Variants in PCDH11X observed in about 807,000 individuals in gnomAD.
The protein encoded by PCDH11X is protocadherin-11 X-linked.
PCDH11X carries 18 observed loss-of-function variants against 53.3 expected under a neutral mutation model. That is an observed-to-expected ratio of 0.34 (90% CI 0.23 to 0.50). The LOEUF is 0.50. Among genes scored for constraint, PCDH11X ranks in the 20% least tolerant of loss-of-function variants. The pLI is 0.98. For missense variants in PCDH11X, 570 were observed against 1,032.4 expected (o/e 0.55, Z 6.14); for synonymous variants, 279 against 393.3 (o/e 0.71, Z 3.44).
At chrX:92,299,600 T>C (rs1392650972) in intron 8 of PCDH11X, among the ~76,000 whole-genome samples, 1 of 111,880 alleles carries the variant, frequency 8.9e-6, no homozygotes, top group Non-Finnish European at 1.9e-5. Flanking sequence ...TGTGCATACA[T>C]ACACATGTTC....
At chrX:91,916,890 G>T (rs1320382698) in intron 6 of PCDH11X, among the ~76,000 whole-genome samples, 1 of 110,377 alleles carries the variant, frequency 9.1e-6, no homozygotes, top group Non-Finnish European at 1.9e-5. Flanking sequence ...TATCCCTGAT[G>T]AACATAGATG....
chrX:92,274,433 C>T (rs988498798), intron 8 of PCDH11X, among the ~76,000 whole-genome samples: 9 of 110,987 alleles, frequency 8.1e-5, no homozygotes, highest in African/African-American at 1.3e-4. Flanking sequence ...GAAGGCTAAA[C>T]GGAGGAATTA....
intron 6 of PCDH11X, among the ~76,000 whole-genome samples, chrX:92,200,160 A>G (rs989892495): frequency 2.7e-5 from 3 of 110,657 alleles, no homozygotes; most frequent in African/African-American, 9.9e-5. Flanking sequence ...TATTCTGGTT[A>G]TTTATCCCCA....
At chrX:92,103,772 C>G (rs1048670928) in intron 6 of PCDH11X, among the ~76,000 whole-genome samples, 17 of 112,019 alleles carry the variant, frequency 1.5e-4, no homozygotes, top group African/African-American at 5.5e-4. Flanking sequence ...TTCTTGTGTG[C>G]TGGAGATGTG....
intron 7 of PCDH11X, among the ~76,000 whole-genome samples, chrX:92,210,104 G>A (rs1444222724): frequency 9.0e-6 from 1 of 111,202 alleles, no homozygotes; most frequent in Non-Finnish European, 1.9e-5. Flanking sequence ...TGATGAGAGG[G>A]ACTTCCATGA....
chrX:92,531,577 T>C, intron 10 of PCDH11X, among the ~76,000 whole-genome samples: 1 of 104,769 alleles, frequency 9.5e-6, no homozygotes. Context: ...TTTTAATGAA[T>C]ATATTAAATA....
intron 10 of PCDH11X, among the ~76,000 whole-genome samples, chrX:92,613,178 T>C (rs976571867): frequency 9.1e-6 from 1 of 109,864 alleles, no homozygotes; most frequent in African/African-American, 3.3e-5. Flanking sequence ...TTTCCTATTT[T>C]GTGGTTGCTT....
chrX:92,611,375 A>G (rs1195028550), intron 10 of PCDH11X, among the ~76,000 whole-genome samples: 1 of 108,179 alleles, frequency 9.2e-6, no homozygotes, highest in Non-Finnish European at 1.9e-5. Context: ...ATAAAATTCT[A>G]TTCTTGATTC....
intron 9 of PCDH11X, among the ~76,000 whole-genome samples, chrX:92,462,541 T>G (rs1277851577): frequency 1.8e-5 from 2 of 110,152 alleles, no homozygotes; most frequent in Non-Finnish European, 3.8e-5. Flanking sequence ...AAGGCATACT[T>G]TAGAAATACT....
intron 6 of PCDH11X, among the ~76,000 whole-genome samples, chrX:92,012,943 T>G (rs2062718199): frequency 3.6e-5 from 4 of 111,740 alleles, no homozygotes; most frequent in African/African-American, 1.3e-4. Context: ...GGGCAAAAAC[T>G]GGAAGCATTC....
At chrX:92,200,483 C>T (rs1438077727) in intron 6 of PCDH11X, among the ~76,000 whole-genome samples, 1 of 112,073 alleles carries the variant, frequency 8.9e-6, no homozygotes, top group Non-Finnish European at 1.9e-5. Flanking sequence ...ACTTGCACTT[C>T]TATGTTTATT....
At chrX:92,296,073 ACT>A (rs1286963217) in intron 8 of PCDH11X, among the ~76,000 whole-genome samples, 1 of 97,405 alleles carries the variant, frequency 1.0e-5, no homozygotes, top group Non-Finnish European at 1.9e-5. Context: ...CAAGAGCGAA[ACT>A]CTGTCTCAAA....
At chrX:91,791,857 A>AT (rs755996100) in intron 1 of PCDH11X, among the ~76,000 whole-genome samples, 1,785 of 83,073 alleles carry the variant, frequency 0.021, 70 homozygotes, top group African/African-American at 0.056. Context: ...CGATCAGTAC[A>AT]TTTTTTTTTT....
rs1434159217 is a variant in PCDH11X, at chrX:91,878,350, G to T, written c.2110G>T (p.Asp704Tyr). 1 of 1,204,287 alleles carries T rather than the reference G, an allele frequency of 8.3e-7. No individual in the cohort carries two copies. The highest frequency in any genetic ancestry group is 2.2e-5 in the Admixed American group (1 of 45,160). ...VVFQVIAVDN[D>Y]TGMNAEVRYS... ...CTTTCAGGTAATTGCTGTTGACAAT[G>T]ACACTGGCATGAATGCAGAGGTTCG... Residue 704 changes from aspartate to tyrosine, a missense_variant, in exon 6 of 11, where the codon GAC (aspartate) becomes TAC (tyrosine). Asp to Tyr is a radical substitution (Grantham distance 160). This residue lies in a region of PCDH11X where 226 missense variants were observed against 457.5 expected (regional missense o/e 0.49). Coordinates refer to ENST00000682573, the MANE Select transcript of PCDH11X (RefSeq NM_032968.5).
intron 9 of PCDH11X, among the ~76,000 whole-genome samples, chrX:92,416,124 T>C (rs1280716214): frequency 9.0e-6 from 1 of 110,668 alleles, no homozygotes; most frequent in African/African-American, 3.3e-5. Context: ...ATATTTAGTG[T>C]GCAAAAATTC....
At chrX:91,895,571 A>G (rs1375620579) in intron 6 of PCDH11X, among the ~76,000 whole-genome samples, 2 of 110,421 alleles carry the variant, frequency 1.8e-5, no homozygotes, top group African/African-American at 6.6e-5. Flanking sequence ...GGTTTCACAT[A>G]TTCATGCCCC....
rs528140533 is a variant in PCDH11X at position 92,113,036 on chromosome X, A to C, written c.3034-88339A>C. On this transcript the variant is annotated intron_variant, in intron 6 of 10. Transcript: ENST00000682573. ...AGGTCAGTGAGTGTATAGGGGTTAGATTCAGGGGAAGGAACAGTACTTCTA... is the reference window on the plus strand; with the variant it reads ...AGGTCAGTGAGTGTATAGGGGTTAGCTTCAGGGGAAGGAACAGTACTTCTA... 2.3e-4 allele frequency among the ~76,000 whole-genome samples: 25 copies of C among 109,113 alleles called. No individual in the cohort carries two copies. In the South Asian group the frequency reaches 9.6e-3, roughly 42 times the overall value. 94.8% of individuals were successfully genotyped at this position (109,113 alleles called of 115,157 possible). A position where few individuals can be genotyped will look rare whatever the true frequency, so the allele number is the denominator to read the frequency against.
chrX:91,926,729 T>C (rs1442090384), intron 6 of PCDH11X, among the ~76,000 whole-genome samples: 1 of 111,114 alleles, frequency 9.0e-6, no homozygotes, highest in African/African-American at 3.3e-5. Flanking sequence ...ATGGGTTACA[T>C]AGTAACGTTG....
intron 10 of PCDH11X, among the ~76,000 whole-genome samples, chrX:92,532,555 T>C (rs1427693483): frequency 9.1e-6 from 1 of 109,326 alleles, no homozygotes; most frequent in African/African-American, 3.3e-5. Context: ...AGTGAAAAGA[T>C]GCTTACCTTT....
Sources: gnomAD v4.1 joint callset for allele counts (sites outside exome capture counted in the v4.1 genomes callset) on GRCh38, gnomAD v4.1.1 for gene constraint, gnomAD v4.1.1 regional missense constraint, MANE v1.5 for transcripts, NCBI Gene and HGNC (gene_info 2026-07-23, HGNC 2026-07-21) for gene names.